Variants in CDH18 observed in about 807,000 individuals in gnomAD.
CDH18 encodes the protein cadherin-18.
CDH18 carries 31 observed loss-of-function variants against 67.9 expected under a neutral mutation model. The ratio of observed to expected loss-of-function variants is 0.46; its 90% CI spans 0.34 to 0.62. The LOEUF is 0.62. CDH18 is among the 20% of genes least tolerant of loss of function. The pLI, the probability that CDH18 is intolerant of heterozygous loss-of-function variation, is 0.01. For missense variants in CDH18, 890 were observed against 975.5 expected, an observed-to-expected ratio of 0.91 and a Z score of 1.17; for synonymous variants, 362 against 347.2, an observed-to-expected ratio of 1.04 and a Z score of -0.48.
At chr5:20,204,044 C>A (rs140466674) in intron 2 of CDH18, among the ~76,000 whole-genome samples, 1,686 of 152,002 alleles carry the variant, frequency 0.011, 30 homozygotes, top group African/African-American at 0.038. Context: ...TATTAATGTT[C>A]AACAGGCAAC....
rs181588617 is a variant in CDH18 at position 20,505,423 on chromosome 5, T to G, written c.-580+70039A>C. Among the ~76,000 whole-genome samples, 378 of 152,232 alleles carry G rather than the reference T, an allele frequency of 2.5e-3. 1 individual carries two copies. Among genetic ancestry groups the G allele is most frequent in the Non-Finnish European group, 4.3e-3 (290 of 68,022 alleles). ...GATAAAGCAATCTAACTTTTTAAAT[T>G]TTCTTTCTTTTTTTGGTAGATATTA... On this transcript the variant is annotated intron_variant, in intron 1 of 14. Transcript: ENST00000507958.
chr5:19,587,007 T>A (rs1440040765), intron 7 of CDH18, among the ~76,000 whole-genome samples: 1 of 152,204 alleles, frequency 6.6e-6, no homozygotes. Flanking sequence ...AAATGTCTTC[T>A]TTTGGGAAGT....
chr5:20,092,792 C>T (rs796892895), intron 2 of CDH18, among the ~76,000 whole-genome samples: 16 of 151,864 alleles, frequency 1.1e-4, no homozygotes, highest in African/African-American at 3.9e-4. Context: ...ATCTTAGAAC[C>T]CAAATATGTA....
At chr5:19,931,105 C>T (rs1793643039) in intron 2 of CDH18, among the ~76,000 whole-genome samples, 3 of 151,882 alleles carry the variant, frequency 2.0e-5, no homozygotes, top group African/African-American at 7.3e-5. Flanking sequence ...TGAGGTATAG[C>T]ATTTAAAAAA....
chr5:19,612,388 A>G (rs1336193188), intron 6 of CDH18, 46 bp downstream of exon 6: 5 of 1,574,126 alleles, frequency 3.2e-6, no homozygotes, highest in East Asian at 2.2e-5. Flanking sequence ...TTTACTTTAC[A>G]TAAAGAGATA....
intron 2 of CDH18, among the ~76,000 whole-genome samples, chr5:20,148,122 C>T (rs1369510307): frequency 1.3e-5 from 2 of 150,218 alleles, no homozygotes; most frequent in African/African-American, 2.4e-5. Flanking sequence ...GACAGAGTCT[C>T]GCTCTGTCAC....
At chr5:20,116,377 C>T (rs557403184) in intron 2 of CDH18, among the ~76,000 whole-genome samples, 6 of 151,992 alleles carry the variant, frequency 3.9e-5, no homozygotes, top group South Asian at 2.1e-4. Flanking sequence ...TGTAGCCAGG[C>T]GTGGTGGTGG....
chr5:19,505,172 C>G (rs1457978547), intron 10 of CDH18, among the ~76,000 whole-genome samples: 1 of 151,974 alleles, frequency 6.6e-6, no homozygotes, highest in Non-Finnish European at 1.5e-5. Context: ...GATTTTGTAT[C>G]CTGAGACTTT....
intron 2 of CDH18, among the ~76,000 whole-genome samples, chr5:20,225,436 C>T (rs1741545034): frequency 1.3e-5 from 2 of 152,050 alleles, no homozygotes. Context: ...TAAAAAAAGA[C>T]CTTTACGTTT....
chr5:19,853,033 G>C (rs1344893118), intron 2 of CDH18, among the ~76,000 whole-genome samples: 2 of 152,066 alleles, frequency 1.3e-5, no homozygotes, highest in Non-Finnish European at 2.9e-5. Flanking sequence ...AAAAATACTT[G>C]CAATGCCTCC....
intron 2 of CDH18, among the ~76,000 whole-genome samples, chr5:19,968,862 G>T (rs900087016): frequency 1.3e-4 from 19 of 144,356 alleles, no homozygotes; most frequent in Admixed American, 4.0e-4. Context: ...TTAAACTAAA[G>T]AGCTTCTGCA....
At chr5:19,943,501 G>C (rs1328131306) in intron 2 of CDH18, among the ~76,000 whole-genome samples, 3 of 152,100 alleles carry the variant, frequency 2.0e-5, no homozygotes, top group African/African-American at 7.2e-5. Flanking sequence ...TCTAAACTGA[G>C]ATGTGATTTA....
chr5:19,553,916 G>C (rs1430708953), intron 8 of CDH18, among the ~76,000 whole-genome samples: 1 of 152,000 alleles, frequency 6.6e-6, no homozygotes, highest in African/African-American at 2.4e-5. Context: ...TTACAGGTGT[G>C]AGCCAAAACG....
At chr5:19,659,364 G>T (rs1427477264) in intron 5 of CDH18, among the ~76,000 whole-genome samples, 3 of 152,006 alleles carry the variant, frequency 2.0e-5, no homozygotes, top group African/African-American at 7.2e-5. Context: ...CAAAGCAAAT[G>T]ACTATCAAAA....
chr5:20,334,968 G>C (rs1371234635), intron 1 of CDH18, among the ~76,000 whole-genome samples: 2 of 152,154 alleles, frequency 1.3e-5, no homozygotes, highest in African/African-American at 4.8e-5. Context: ...TTTGGTCAAT[G>C]CCTCCATTGC....
chr5:19,820,759 C>T (rs988888238), intron 3 of CDH18, among the ~76,000 whole-genome samples: 4 of 152,076 alleles, frequency 2.6e-5, no homozygotes, highest in Non-Finnish European at 5.9e-5. Flanking sequence ...CTGAATTGTA[C>T]CACCAAATAA....
chr5:20,380,751 A>G (rs1743842152), intron 1 of CDH18, among the ~76,000 whole-genome samples: 1 of 152,192 alleles, frequency 6.6e-6, no homozygotes. Context: ...GATGACAGAA[A>G]TAAAGGCTTT....
chr5:19,504,388 C>A (rs770286739), intron 10 of CDH18, among the ~76,000 whole-genome samples: 7 of 151,976 alleles, frequency 4.6e-5, no homozygotes, highest in Admixed American at 1.3e-4. Context: ...CTTGATTTCC[C>A]TCCATATTTA....
chr5:19,597,893 A>G (rs1157346304), intron 6 of CDH18, among the ~76,000 whole-genome samples: 1 of 151,996 alleles, frequency 6.6e-6, no homozygotes, highest in African/African-American at 2.4e-5. Context: ...CTTTTTTTGT[A>G]TTTTTTATTC....
Sources: gnomAD v4.1 joint callset for allele counts (sites outside exome capture counted in the v4.1 genomes callset) on GRCh38, gnomAD v4.1.1 for gene constraint, MANE v1.5 for transcripts, NCBI Gene and HGNC (gene_info 2026-07-23, HGNC 2026-07-21) for gene names.